The following MARCHF3 variants were observed in gnomAD, a reference collection of about 807,000 sequenced individuals.
MARCHF3 encodes membrane associated ring-CH-type finger 3.
MARCHF3 carries 13 observed loss-of-function variants against 24.2 expected under a neutral mutation model. The ratio of observed to expected loss-of-function variants is 0.54; its 90% confidence interval spans 0.35 to 0.85. The LOEUF (loss-of-function observed/expected upper bound fraction) is 0.85. Ranked by LOEUF, MARCHF3 falls within the 40% of genes least tolerant of loss-of-function variation. The pLI is 0.01. For missense variants in MARCHF3, 276 were observed against 325.0 expected, an observed-to-expected ratio of 0.85 and a Z score of 1.16; for synonymous variants, 144 against 137.3, an observed-to-expected ratio of 1.05 and a Z score of -0.34.
intron 3 of MARCHF3, among the ~76,000 whole-genome samples, chr5:126,893,518 T>A (rs1439042138): frequency 6.6e-6 from 1 of 151,982 alleles, no homozygotes; most frequent in Non-Finnish European, 1.5e-5. Context: ...TCAAAGAACA[T>A]CTTTATTTCT....
At chr5:126,938,285 A>G (rs1477611689) in intron 1 of MARCHF3, among the ~76,000 whole-genome samples, 3 of 149,326 alleles carry the variant, frequency 2.0e-5, no homozygotes, top group African/African-American at 7.4e-5. Flanking sequence ...CTGATGCCTC[A>G]GCCTCCCGAG....
In MARCHF3 at chr5:127,010,870, C is replaced by G. The variant is rs1192628839; in HGVS notation, c.-57+19480G>C. Among the ~76,000 whole-genome samples the G allele has an allele frequency of 2.0e-5, 3 of 152,074 alleles. No individual in the cohort carries two copies. The East Asian group carries it at 5.8e-4, about 29-fold the overall frequency. Reference sequence around the variant, plus strand: ...GGTAGAGTAGTCAAAATCACAGAGACAACAAGGAGAATGGCGGTTGCTAGG... The same window carrying G: ...GGTAGAGTAGTCAAAATCACAGAGAGAACAAGGAGAATGGCGGTTGCTAGG... On this transcript the variant is annotated intron_variant, in intron 1 of 4. Transcript: ENST00000308660.
At chr5:126,918,382 GCACACA>G (rs112284753) in intron 1 of MARCHF3, among the ~76,000 whole-genome samples, 155 bp from the exon 2 acceptor site, 4 of 149,530 alleles carry the variant, frequency 2.7e-5, no homozygotes, top group African/African-American at 4.9e-5. Context: ...TAATACAAGT[GCACACA>G]CACACACACA....
rs575513403 is a variant in MARCHF3, at chr5:127,017,600, T to C, written c.-57+12750A>G. ...ATCTAATACAAAGCCTATTTTACAATAAAGTGTTGAATATCTCATGTAACT... is the reference window on the plus strand; with the variant it reads ...ATCTAATACAAAGCCTATTTTACAACAAAGTGTTGAATATCTCATGTAACT... On this transcript the variant is annotated intron_variant, in intron 1 of 4. Coordinates refer to ENST00000308660, the MANE Select transcript of MARCHF3 (RefSeq NM_178450.5). Among the ~76,000 whole-genome samples, 14 of 152,312 alleles carry C rather than the reference T, an allele frequency of 9.2e-5. No individual in the cohort carries two copies. The South Asian group carries it at 1.9e-3, about 20-fold the overall frequency.
chr5:126,944,333 C>T (rs1749937132), intron 1 of MARCHF3, among the ~76,000 whole-genome samples: 2 of 152,124 alleles, frequency 1.3e-5, no homozygotes. Context: ...CACGGTGGCT[C>T]ACGCCTGTAA....
intron 1 of MARCHF3, among the ~76,000 whole-genome samples, chr5:126,932,184 T>C (rs1301781077): frequency 6.6e-6 from 1 of 152,234 alleles, no homozygotes; most frequent in African/African-American, 2.4e-5. Flanking sequence ...TATACTGACA[T>C]TAACATGAGA....
intron 1 of MARCHF3, among the ~76,000 whole-genome samples, chr5:126,973,560 C>T (rs60889784): frequency 0.052 from 7,853 of 152,256 alleles, 375 homozygotes; most frequent in South Asian, 0.13. Context: ...CAGACAATTG[C>T]AGAAGTGCAG....
At chr5:126,931,619 T>C (rs890930686) in intron 1 of MARCHF3, among the ~76,000 whole-genome samples, 1 of 150,858 alleles carries the variant, frequency 6.6e-6, no homozygotes, top group African/African-American at 2.4e-5. Flanking sequence ...ACAGGCTCTA[T>C]AGAAGGCCAT....
rs146451466 is a variant in MARCHF3 at position 126,964,323 on chromosome 5, T to C, written c.-56-46096A>G. Among the ~76,000 whole-genome samples, 360 of 152,350 alleles carry C rather than the reference T, an allele frequency of 2.4e-3. 2 individuals carry two copies. The highest frequency in any genetic ancestry group is 8.2e-3 in the African/African-American group (341 of 41,582). Reference sequence around the variant, plus strand: ...GTTCATCCTGAGTTTCCCTGGTTGCTCTACTTGCTGGATATACATAAACAC... The same window carrying C: ...GTTCATCCTGAGTTTCCCTGGTTGCCCTACTTGCTGGATATACATAAACAC... On this transcript the variant is annotated intron_variant, in intron 1 of 4. Transcript: ENST00000308660.
At chr5:126,951,571 T>A (rs911751753) in intron 1 of MARCHF3, among the ~76,000 whole-genome samples, 2 of 152,232 alleles carry the variant, frequency 1.3e-5, no homozygotes, top group Admixed American at 1.3e-4. Flanking sequence ...ATCCTTCCAA[T>A]GAACTTGAGC....
chr5:126,892,941 C>A (rs1235642392), intron 3 of MARCHF3, among the ~76,000 whole-genome samples: 2 of 151,672 alleles, frequency 1.3e-5, no homozygotes, highest in African/African-American at 4.8e-5. Context: ...CGTTGGTAAG[C>A]TATTGATTAT....
chr5:127,027,445 G>C (rs1041953972), intron 1 of MARCHF3, among the ~76,000 whole-genome samples: 7 of 152,154 alleles, frequency 4.6e-5, no homozygotes, highest in Admixed American at 3.9e-4. Context: ...TGAAGATAAG[G>C]ATTCTACCTT....
chr5:127,000,407 T>C (rs1386872199), intron 1 of MARCHF3, among the ~76,000 whole-genome samples: 1 of 152,214 alleles, frequency 6.6e-6, no homozygotes. Context: ...CTGAGTTAGA[T>C]GGCAGCAGAG....
At chr5:126,943,025 C>T (rs1274868292) in intron 1 of MARCHF3, among the ~76,000 whole-genome samples, 8 of 152,126 alleles carry the variant, frequency 5.3e-5, no homozygotes, top group Admixed American at 5.2e-4. Flanking sequence ...GTGGCTCATG[C>T]CTGTAATCCT....
chr5:126,935,088 G>A (rs147178306), intron 1 of MARCHF3, among the ~76,000 whole-genome samples: 69 of 152,276 alleles, frequency 4.5e-4, no homozygotes, highest in African/African-American at 1.4e-3. Flanking sequence ...GGATAGATAG[G>A]CAGGCAAAAG....
intron 1 of MARCHF3, among the ~76,000 whole-genome samples, chr5:127,013,418 A>T (rs1481649547): frequency 6.6e-6 from 1 of 152,206 alleles, no homozygotes; most frequent in African/African-American, 2.4e-5. Flanking sequence ...ACAAGAGCTT[A>T]CATAGACCAT....
intron 1 of MARCHF3, among the ~76,000 whole-genome samples, chr5:126,982,020 T>G (rs552474637): frequency 6.6e-6 from 1 of 152,210 alleles, no homozygotes; most frequent in East Asian, 1.9e-4. Flanking sequence ...CTTGATAGAT[T>G]GTGCCTTTCT....
At chr5:127,025,443 G>A (rs773639307) in intron 1 of MARCHF3, among the ~76,000 whole-genome samples, 10 of 151,908 alleles carry the variant, frequency 6.6e-5, no homozygotes, top group Non-Finnish European at 1.3e-4. Context: ...ACCCCAAACC[G>A]TCTGCACCTC....
At chr5:127,008,606 T>G (rs567534001) in intron 1 of MARCHF3, among the ~76,000 whole-genome samples, 60 of 152,316 alleles carry the variant, frequency 3.9e-4, no homozygotes, top group African/African-American at 1.3e-3. Context: ...CTGTTTTGTG[T>G]GGGAAGAAGA....
Sources: allele counts gnomAD v4.1 joint callset (sites outside exome capture counted in the v4.1 genomes callset), GRCh38; gene constraint gnomAD v4.1.1; transcripts MANE v1.5; gene names NCBI Gene and HGNC (gene_info 2026-07-23, HGNC 2026-07-21).